The following LMAN2L variants were observed in gnomAD, a reference collection of about 807,000 sequenced individuals.
LMAN2L encodes the protein lectin, mannose binding 2 like, also known as VIP36-like protein.
LMAN2L carries 30 observed loss-of-function variants against 44.3 expected under a neutral mutation model. That is an observed-to-expected ratio of 0.68 (90% CI 0.51 to 0.92). LMAN2L has a LOEUF of 0.92. Among genes scored for constraint, LMAN2L ranks in the 40% least tolerant of loss-of-function variants. LMAN2L has a pLI of 0.00. For missense variants in LMAN2L, 429 were observed against 446.1 expected (o/e 0.96, Z 0.35); for synonymous variants, 183 against 171.1 (o/e 1.07, Z -0.54).
intron 4 of LMAN2L, among the ~76,000 whole-genome samples, chr2:96,719,321 T>A (rs754467123): frequency 5.3e-5 from 8 of 152,134 alleles, no homozygotes; most frequent in African/African-American, 7.2e-5. Flanking sequence ...AACCCAGGAA[T>A]AAGCATCCTC....
At chr2:96,724,121 G>C (rs1019863045) in intron 4 of LMAN2L, among the ~76,000 whole-genome samples, 2 of 151,884 alleles carry the variant, frequency 1.3e-5, no homozygotes, top group Non-Finnish European at 2.9e-5. Flanking sequence ...GAAAGAAAAA[G>C]AAAATTAATT....
At position 96,718,650 on chromosome 2, in the gene LMAN2L, T is replaced by C. The variant is rs529381440; in HGVS notation, c.508-6625A>G. Among the ~76,000 whole-genome samples, 10 of 152,340 alleles carry C rather than the reference T, an allele frequency of 6.6e-5. No individual in the cohort carries two copies. In the South Asian group the frequency reaches 2.1e-3, roughly 32 times the overall value. ...GTCACTTTTTCAAAGCTGTATAAGC[T>C]GCTGGTCCTACAATAATCTTCATCT... On this transcript the variant is annotated intron_variant, in intron 4 of 7. Coordinates refer to ENST00000264963, the MANE Select transcript of LMAN2L (RefSeq NM_030805.4).
At chr2:96,715,693 G>T (rs1298981464) in intron 4 of LMAN2L, among the ~76,000 whole-genome samples, 3 of 152,210 alleles carry the variant, frequency 2.0e-5, no homozygotes, top group Non-Finnish European at 4.4e-5. Flanking sequence ...TTTTAAAAAA[G>T]TGTTTTTTGA....
At chr2:96,717,011 A>G (rs1430935295) in intron 4 of LMAN2L, among the ~76,000 whole-genome samples, 1 of 152,214 alleles carries the variant, frequency 6.6e-6, no homozygotes, top group Non-Finnish European at 1.5e-5. Flanking sequence ...AATATGAATA[A>G]GGCCTGCAGA....
chr2:96,737,997 G>A lies in LMAN2L; in HGVS notation c.258C>T (p.Arg86=). 6.2e-7 allele frequency: 1 copy of A among 1,614,040 alleles called. No homozygotes were observed. Among genetic ancestry groups the A allele is most frequent in the South Asian group, 1.1e-5 (1 of 91,086 alleles). Residue 86 remains arginine, a synonymous_variant, in exon 2 of 8, where the codon CGC becomes CGT. Coordinates refer to ENST00000264963, the MANE Select transcript of LMAN2L (RefSeq NM_030805.4). The part of the protein sequence containing the change: ...GNAMVMTQYI[R]LTPDMQSKQG... ...GTTTACTTTGCATATCTGGGGTAAG[G>A]CGGATATACTGGGTCATCACCATGG...
intron 6 of LMAN2L, 71 bp from the exon 7 acceptor site, chr2:96,707,904 T>C (rs2153319542): frequency 6.6e-7 from 1 of 1,514,156 alleles, no homozygotes; most frequent in Non-Finnish European, 9.1e-7. Flanking sequence ...GTCAGTATCT[T>C]AGTTCAAGCC....
chr2:96,711,731 A>G lies in LMAN2L; in HGVS notation c.709T>C (p.Cys237Arg), dbSNP rs752926976. Residue 237 changes from cysteine (C) to arginine (R), a missense_variant, in exon 6 of 8, where the codon TGC becomes CGC. By Grantham distance (180) the Cys-to-Arg change is radical. Coordinates refer to ENST00000264963, the MANE Select transcript of LMAN2L (RefSeq NM_030805.4). Reference sequence around the variant, plus strand: ...AGGCGGACTCCGGGCACTTCAATGCAGTCCCTCCACTCATGCTTGCCATCA... The same window carrying G: ...AGGCGGACTCCGGGCACTTCAATGCGGTCCCTCCACTCATGCTTGCCATCA... ...DIDGKHEWRD[C>R]IEVPGVRLPR... The G allele has an allele frequency of 1.9e-6, 3 of 1,614,186 alleles. No individual in the cohort carries two copies. In the Admixed American group the frequency reaches 5.0e-5, roughly 27 times the overall value.
At chr2:96,737,187 T>C (rs994369359) in intron 2 of LMAN2L, 1 of 455,668 alleles carries the variant, frequency 2.2e-6, no homozygotes, top group Non-Finnish European at 4.4e-6. Context: ...CATTCACTTC[T>C]TGTCGCCATA....
intron 4 of LMAN2L, among the ~76,000 whole-genome samples, chr2:96,731,297 G>T (rs574457459): frequency 6.6e-6 from 1 of 152,178 alleles, no homozygotes; most frequent in Admixed American, 6.5e-5. Context: ...AGAAGCAGCT[G>T]TAACTGATCC....
chr2:96,724,451 A>G (rs1282131325), intron 4 of LMAN2L, among the ~76,000 whole-genome samples: 1 of 152,254 alleles, frequency 6.6e-6, no homozygotes, highest in Non-Finnish European at 1.5e-5. Context: ...AATCCATGCC[A>G]TAGAACATCT....
At chr2:96,718,038 C>T (rs1304819997) in intron 4 of LMAN2L, among the ~76,000 whole-genome samples, 1 of 152,062 alleles carries the variant, frequency 6.6e-6, no homozygotes, top group Non-Finnish European at 1.5e-5. Flanking sequence ...TCACTGCAAC[C>T]TCCACCTCCC....
intron 2 of LMAN2L, chr2:96,734,794 T>C (rs1419709724): frequency 2.3e-6 from 1 of 432,222 alleles, no homozygotes; most frequent in African/African-American, 2.0e-5. Flanking sequence ...ACTCCAAAGT[T>C]GGAAAAGACA....
intron 4 of LMAN2L, among the ~76,000 whole-genome samples, chr2:96,714,904 T>C (rs1234565779): frequency 6.6e-6 from 1 of 151,786 alleles, no homozygotes; most frequent in Non-Finnish European, 1.5e-5. Context: ...AGTCAAAGAG[T>C]CTCATTCGTA....
At chr2:96,725,872 C>T (rs1039396643) in intron 4 of LMAN2L, among the ~76,000 whole-genome samples, 7 of 152,172 alleles carry the variant, frequency 4.6e-5, no homozygotes, top group South Asian at 2.1e-4. Flanking sequence ...CGGTACCTCA[C>T]GCCTGTAATC....
chr2:96,727,675 G>C (rs1196011413), intron 4 of LMAN2L, among the ~76,000 whole-genome samples: 1 of 152,176 alleles, frequency 6.6e-6, no homozygotes, highest in African/African-American at 2.4e-5. Flanking sequence ...GGACTCTCGT[G>C]ACAAGGAAAC....
At chr2:96,722,093 G>A (rs1185642025) in intron 4 of LMAN2L, among the ~76,000 whole-genome samples, 6 of 151,884 alleles carry the variant, frequency 4.0e-5, no homozygotes, top group African/African-American at 9.7e-5. Context: ...TCAGCCTCCC[G>A]AGTAGCTGGG....
At chr2:96,730,752 G>C (rs554731456) in intron 4 of LMAN2L, among the ~76,000 whole-genome samples, 4 of 152,084 alleles carry the variant, frequency 2.6e-5, no homozygotes, top group African/African-American at 9.6e-5. Context: ...AGCTCACACT[G>C]CAACCTCCAC....
chr2:96,734,664 T>A, intron 2 of LMAN2L, 138 bp from the exon 3 acceptor site: 1 of 634,528 alleles, frequency 1.6e-6, no homozygotes. Context: ...ATCTAAGACT[T>A]GCTATGTGTT....
intron 3 of LMAN2L, among the ~76,000 whole-genome samples, 162 bp downstream of exon 3, chr2:96,734,247 G>C (rs1420183077): frequency 6.6e-6 from 1 of 152,156 alleles, no homozygotes; most frequent in Non-Finnish European, 1.5e-5. Context: ...TGCTTATGAG[G>C]ACTCAGACCC....
Sources: allele counts gnomAD v4.1 joint callset (sites outside exome capture counted in the v4.1 genomes callset), GRCh38; gene constraint gnomAD v4.1.1; transcripts MANE v1.5; gene names NCBI Gene and HGNC (gene_info 2026-07-23, HGNC 2026-07-21).